GALNT17: variants seen among roughly 807,000 people sequenced by gnomAD.
GALNT17 encodes UDP-GalNAc:polypeptide N-acetylgalactosaminyltransferase-like 3.
A neutral mutation model predicts 63.7 loss-of-function variants in GALNT17; 29 were observed. That is an observed-to-expected ratio of 0.46 (90% CI 0.34 to 0.62). The LOEUF is 0.62. Among genes scored for constraint, GALNT17 ranks in the 20% least tolerant of loss-of-function variants. The probability of loss-of-function intolerance (pLI) is 0.01; values close to 1 mark genes in which losing one functional copy is unlikely to be tolerated. For missense variants in GALNT17, 603 were observed against 799.6 expected, an observed-to-expected ratio of 0.75 and a Z score of 2.97; for synonymous variants, 305 against 318.3, an observed-to-expected ratio of 0.96 and a Z score of 0.45.
intron 1 of GALNT17, 99 bp from the exon 2 acceptor site, chr7:71,335,451 A>C (rs2116088022): frequency 8.3e-7 from 1 of 1,208,188 alleles, no homozygotes; most frequent in South Asian, 1.9e-5. Context: ...TTCTGTGACA[A>C]GTAATGTTAA....
intron 1 of GALNT17, among the ~76,000 whole-genome samples, chr7:71,184,354 G>A (rs1310802937): frequency 1.3e-5 from 2 of 150,844 alleles, no homozygotes; most frequent in Non-Finnish European, 2.9e-5. Flanking sequence ...CCAACCACTC[G>A]ATGATTTGAT....
chr7:71,199,618 GC>G (rs1789126344), intron 1 of GALNT17, among the ~76,000 whole-genome samples: 1 of 59,372 alleles, frequency 1.7e-5, no homozygotes, highest in Non-Finnish European at 3.5e-5. Context: ...TGATCCACCC[GC>G]CCACCCACTC....
intron 5 of GALNT17, among the ~76,000 whole-genome samples, chr7:71,525,902 C>T (rs1788616766): frequency 6.6e-6 from 1 of 151,712 alleles, no homozygotes; most frequent in South Asian, 2.1e-4. Flanking sequence ...ACCACACCCA[C>T]TTAATTTTTG....
At chr7:71,535,318 C>T (rs1019735022) in intron 5 of GALNT17, among the ~76,000 whole-genome samples, 4 of 152,128 alleles carry the variant, frequency 2.6e-5, no homozygotes, top group African/African-American at 7.2e-5. Flanking sequence ...CATTTTCATC[C>T]GTCTTAGCAC....
intron 5 of GALNT17, among the ~76,000 whole-genome samples, chr7:71,468,235 G>T (rs1299436762): frequency 1.3e-5 from 2 of 151,776 alleles, no homozygotes; most frequent in African/African-American, 4.8e-5. Context: ...TCACTTTATT[G>T]CCCAGGCTGG....
intron 1 of GALNT17, among the ~76,000 whole-genome samples, chr7:71,158,246 A>G (rs574694754): frequency 2.0e-5 from 3 of 151,402 alleles, no homozygotes; most frequent in African/African-American, 7.3e-5. Flanking sequence ...TTCTCAATCA[A>G]TGGGTGCTGC....
In GALNT17 at chr7:71,534,082, A is replaced by G. The variant is rs151197919; in HGVS notation, c.963-37203A>G. On this transcript the variant is annotated intron_variant, in intron 5 of 10. Transcript: ENST00000333538. ...GGTTTTCTGAGAAAGAAACTCAGAT[A>G]AAACAAATGTAAGGTGTTCGTCTGT... Among the ~76,000 whole-genome samples, 8 of 152,316 alleles carry G rather than the reference A, an allele frequency of 5.3e-5. 1 individual carries two copies. The East Asian group carries it at 1.5e-3, about 29-fold the overall frequency.
chr7:71,266,188 G>C (rs1015609719), intron 1 of GALNT17, among the ~76,000 whole-genome samples: 1 of 130,992 alleles, frequency 7.6e-6, no homozygotes, highest in Non-Finnish European at 1.7e-5. Context: ...GGCCCACCCA[G>C]ATAAATCCGG....
At chr7:71,191,392 T>C (rs2116339022) in intron 1 of GALNT17, among the ~76,000 whole-genome samples, 1 of 152,054 alleles carries the variant, frequency 6.6e-6, no homozygotes, top group African/African-American at 2.4e-5. Flanking sequence ...GTCTGCAGTC[T>C]TTTAAAAAAA....
At chr7:71,138,318 C>A (rs1328675217) in intron 1 of GALNT17, among the ~76,000 whole-genome samples, 2 of 90,956 alleles carry the variant, frequency 2.2e-5, no homozygotes, top group African/African-American at 7.5e-5. Context: ...AGCCTTCTGG[C>A]TCAAAAGAAA....
At chr7:71,702,135 G>A (rs1791660495) in intron 9 of GALNT17, among the ~76,000 whole-genome samples, 1 of 151,838 alleles carries the variant, frequency 6.6e-6, no homozygotes, top group South Asian at 2.1e-4. Flanking sequence ...CCAGAGTAGA[G>A]AGAGAGGGAG....
chr7:71,199,567 C>T (rs1789124462), intron 1 of GALNT17, among the ~76,000 whole-genome samples: 1 of 148,680 alleles, frequency 6.7e-6, no homozygotes. Context: ...TCCATCCATC[C>T]TGCCTACCCT....
At chr7:71,151,233 A>T (rs532953090) in intron 1 of GALNT17, among the ~76,000 whole-genome samples, 9 of 152,160 alleles carry the variant, frequency 5.9e-5, no homozygotes, top group Non-Finnish European at 7.4e-5. Context: ...ATATTGATTG[A>T]TCTTAAACAA....
chr7:71,351,582 A>T (rs1792189592), intron 2 of GALNT17, among the ~76,000 whole-genome samples: 1 of 152,106 alleles, frequency 6.6e-6, no homozygotes, highest in African/African-American at 2.4e-5. Flanking sequence ...CCAAGTGAAG[A>T]CAGGCAGAGA....
intron 6 of GALNT17, among the ~76,000 whole-genome samples, chr7:71,585,346 G>A (rs1443160086): frequency 6.6e-6 from 1 of 152,138 alleles, no homozygotes; most frequent in African/African-American, 2.4e-5. Context: ...AGCTACCAAT[G>A]ATCACTGCCT....
At chr7:71,353,784 C>T (rs531890335) in intron 2 of GALNT17, among the ~76,000 whole-genome samples, 6 of 152,216 alleles carry the variant, frequency 3.9e-5, no homozygotes, top group Admixed American at 6.5e-5. Flanking sequence ...AATATTGATT[C>T]CTGGGTTAAA....
chr7:71,233,579 G>A (rs1789833061), intron 1 of GALNT17, among the ~76,000 whole-genome samples: 1 of 152,190 alleles, frequency 6.6e-6, no homozygotes, highest in African/African-American at 2.4e-5. Flanking sequence ...AGGATGATCA[G>A]AAGGTTGCTC....
At chr7:71,312,750 A>G (rs1322944582) in intron 1 of GALNT17, among the ~76,000 whole-genome samples, 4 of 152,122 alleles carry the variant, frequency 2.6e-5, no homozygotes, top group Admixed American at 6.5e-5. Flanking sequence ...CTCATCTCCA[A>G]TATGTTTACA....
chr7:71,265,098 T>TTATA (rs1554345967), intron 1 of GALNT17, among the ~76,000 whole-genome samples: 1,812 of 78,058 alleles, frequency 0.023, 113 homozygotes, highest in South Asian at 0.04. Flanking sequence ...CCCATAAATA[T>TTATA]TATATATATA....
Sources: allele counts gnomAD v4.1 joint callset (sites outside exome capture counted in the v4.1 genomes callset), GRCh38; gene constraint gnomAD v4.1.1; transcripts MANE v1.5; gene names NCBI Gene and HGNC (gene_info 2026-07-23, HGNC 2026-07-21).